ZCCHC7: variants seen among roughly 807,000 people sequenced by gnomAD.
ZCCHC7 encodes the protein zinc finger CCHC-type containing 7.
ZCCHC7 carries 35 observed loss-of-function variants against 52.0 expected under a neutral mutation model. The ratio of observed to expected loss-of-function variants is 0.67; its 90% CI spans 0.51 to 0.89. The LOEUF (loss-of-function observed/expected upper bound fraction) is 0.89. Ranked by LOEUF, ZCCHC7 falls within the 40% of genes least tolerant of loss-of-function variation. The probability of loss-of-function intolerance (pLI) is 0.00; values close to 1 mark genes in which losing one functional copy is unlikely to be tolerated. For missense variants in ZCCHC7, 574 were observed against 649.1 expected, an observed-to-expected ratio of 0.88 and a Z score of 1.26; for synonymous variants, 217 against 221.5, an observed-to-expected ratio of 0.98 and a Z score of 0.18.
At chr9:37,221,389 T>TGAC (rs1270202086) in intron 2 of ZCCHC7, among the ~76,000 whole-genome samples, 2 of 152,286 alleles carry the variant, frequency 1.3e-5, no homozygotes, top group African/African-American at 4.8e-5. Flanking sequence ...CTATTATAAA[T>TGAC]GACATCACCA....
chr9:37,216,817 T>G (rs1053975498), intron 2 of ZCCHC7, among the ~76,000 whole-genome samples: 4 of 152,234 alleles, frequency 2.6e-5, no homozygotes, highest in African/African-American at 9.6e-5. Flanking sequence ...TAATTTTAAT[T>G]GTAGTATGCA....
intron 2 of ZCCHC7, among the ~76,000 whole-genome samples, chr9:37,196,245 A>G (rs186534846): frequency 3.1e-4 from 47 of 152,268 alleles, no homozygotes; most frequent in Middle Eastern, 3.4e-3. Context: ...TAGGCTTGCT[A>G]TGTATTTTGG....
At chr9:37,132,349 CT>C (rs1348280911) in intron 2 of ZCCHC7, among the ~76,000 whole-genome samples, 2 of 152,064 alleles carry the variant, frequency 1.3e-5, no homozygotes, top group South Asian at 4.1e-4. Flanking sequence ...CTTTCTTGTA[CT>C]TTTTTTATTG....
In ZCCHC7 at chr9:37,305,697, C is replaced by A; in HGVS notation, c.934C>A (p.Leu312Ile). The change falls in exon 5 of 9, where the codon CTA becomes ATA. Residue 312 changes from leucine (L) to isoleucine (I), a missense_variant. Leu to Ile is a conservative substitution (Grantham distance 5, BLOSUM62 2). Coordinates refer to ENST00000336755, the MANE Select transcript of ZCCHC7 (RefSeq NM_032226.3). The part of the protein sequence containing the change: ...WDKQCDRCHM[L>I]GHYTDACTEI... ...TAAACAGTGTGACCGATGTCATATG[C>A]TAGGCCACTATACAGATGTGAGTAT... 1 of 1,614,056 alleles carries A rather than the reference C, an allele frequency of 6.2e-7. No homozygotes were observed. The highest frequency in any genetic ancestry group is 8.5e-7 in the Non-Finnish European group (1 of 1,179,998).
chr9:37,324,323 C>T (rs1830158056), intron 5 of ZCCHC7, among the ~76,000 whole-genome samples: 1 of 152,170 alleles, frequency 6.6e-6, no homozygotes, highest in Non-Finnish European at 1.5e-5. Flanking sequence ...GTCTCCTGGG[C>T]TGGCCGCGCT....
At chr9:37,158,372 G>C (rs191244129) in intron 2 of ZCCHC7, among the ~76,000 whole-genome samples, 1 of 152,184 alleles carries the variant, frequency 6.6e-6, no homozygotes, top group Non-Finnish European at 1.5e-5. Flanking sequence ...GTTGAACAAC[G>C]ACTCTAGGCA....
intron 2 of ZCCHC7, among the ~76,000 whole-genome samples, chr9:37,247,085 C>A (rs1039312205): frequency 6.6e-6 from 1 of 152,104 alleles, no homozygotes; most frequent in Admixed American, 6.6e-5. Context: ...TCCCCAACCC[C>A]CTCTCCACCA....
chr9:37,279,198 A>C (rs753996658), intron 2 of ZCCHC7, among the ~76,000 whole-genome samples: 115 of 151,998 alleles, frequency 7.6e-4, no homozygotes, highest in Non-Finnish European at 8.4e-4. Flanking sequence ...AATGTATATG[A>C]TGTTGAAAGC....
chr9:37,336,406 CTTCT>C (rs1830662902), intron 6 of ZCCHC7, among the ~76,000 whole-genome samples: 1 of 152,156 alleles, frequency 6.6e-6, no homozygotes, highest in African/African-American at 2.4e-5. Flanking sequence ...TTACTTCCCC[CTTCT>C]AACAGGTCCT....
At chr9:37,316,154 G>T (rs1381412942) in intron 5 of ZCCHC7, among the ~76,000 whole-genome samples, 2 of 151,918 alleles carry the variant, frequency 1.3e-5, no homozygotes, top group African/African-American at 4.8e-5. Flanking sequence ...CCACCTCCTG[G>T]GTTCAAGTGA....
chr9:37,145,642 A>C (rs1843398430), intron 2 of ZCCHC7, among the ~76,000 whole-genome samples: 1 of 151,950 alleles, frequency 6.6e-6, no homozygotes, highest in South Asian at 2.1e-4. Context: ...AATAAGTAAA[A>C]ATGCAAACTT....
At chr9:37,235,075 T>A (rs1381284456) in intron 2 of ZCCHC7, among the ~76,000 whole-genome samples, 1 of 152,234 alleles carries the variant, frequency 6.6e-6, no homozygotes. Context: ...CATTTATCAT[T>A]TCTTTCTGGC....
intron 2 of ZCCHC7, among the ~76,000 whole-genome samples, chr9:37,282,140 A>G (rs1174791730): frequency 6.6e-6 from 1 of 152,150 alleles, no homozygotes; most frequent in Non-Finnish European, 1.5e-5. Flanking sequence ...CATGTTTTCT[A>G]TCAAAAATAA....
At chr9:37,315,786 C>CA (rs1829789905) in intron 5 of ZCCHC7, among the ~76,000 whole-genome samples, 1 of 144,528 alleles carries the variant, frequency 6.9e-6, no homozygotes, top group South Asian at 2.3e-4. Context: ...CTTTCTCTCT[C>CA]ACCCTGTCAT....
intron 6 of ZCCHC7, among the ~76,000 whole-genome samples, chr9:37,348,614 G>T (rs1042502886): frequency 6.6e-6 from 1 of 151,948 alleles, no homozygotes; most frequent in South Asian, 2.1e-4. Context: ...TCCTGACCTC[G>T]TGATCCGCCC....
At chr9:37,149,734 T>C (rs1319297693) in intron 2 of ZCCHC7, among the ~76,000 whole-genome samples, 2 of 152,208 alleles carry the variant, frequency 1.3e-5, no homozygotes, top group Non-Finnish European at 2.9e-5. Flanking sequence ...TTCTTAATAG[T>C]TCATGTGTCA....
At chr9:37,314,820 T>C (rs774982241) in intron 5 of ZCCHC7, among the ~76,000 whole-genome samples, 15 of 151,530 alleles carry the variant, frequency 9.9e-5, no homozygotes, top group Non-Finnish European at 1.9e-4. Flanking sequence ...CTCCCTCAAA[T>C]TACACAGCAG....
intron 2 of ZCCHC7, among the ~76,000 whole-genome samples, chr9:37,273,284 A>G (rs1313206398): frequency 6.6e-6 from 1 of 152,146 alleles, no homozygotes. Flanking sequence ...TGGGCAGATC[A>G]CAAGGTCAGG....
chr9:37,295,722 T>C (rs1425803372), intron 2 of ZCCHC7, among the ~76,000 whole-genome samples: 1 of 152,178 alleles, frequency 6.6e-6, no homozygotes, highest in Non-Finnish European at 1.5e-5. Context: ...TTTGTATCTT[T>C]AAGGAAGAGA....
Sources: gnomAD v4.1 joint callset for allele counts (sites outside exome capture counted in the v4.1 genomes callset) on GRCh38, gnomAD v4.1.1 for gene constraint, MANE v1.5 for transcripts, NCBI Gene and HGNC (gene_info 2026-07-23, HGNC 2026-07-21) for gene names.